Variants in MACROD2 observed in about 807,000 individuals in gnomAD.
The protein encoded by MACROD2 is mono-ADP ribosylhydrolase 2, also known as ADP-ribose glycohydrolase MACROD2.
In MACROD2, 36 loss-of-function variants were observed where a neutral mutation model predicts 70.4. That is an observed-to-expected ratio of 0.51 (90% CI 0.39 to 0.68). The LOEUF is 0.68. Ranked by LOEUF, MACROD2 falls within the 30% of genes least tolerant of loss-of-function variation. MACROD2 has a pLI of 0.00. For missense variants in MACROD2, 496 were observed against 538.4 expected (o/e 0.92, Z 0.78); for synonymous variants, 172 against 178.8 (o/e 0.96, Z 0.30).
chr20:14,577,787 G>T (rs538963009), intron 4 of MACROD2, among the ~76,000 whole-genome samples: 22 of 149,274 alleles, frequency 1.5e-4, no homozygotes, highest in Non-Finnish European at 2.9e-4. Flanking sequence ...TTCTTAAAAA[G>T]AAAAGGAAAG....
intron 5 of MACROD2, among the ~76,000 whole-genome samples, chr20:14,761,667 C>T (rs2072017597): frequency 6.6e-6 from 1 of 152,076 alleles, no homozygotes; most frequent in Non-Finnish European, 1.5e-5. Flanking sequence ...GGTTCCTCTC[C>T]TGGGGTGCTT....
At chr20:14,841,234 G>A (rs2073083710) in intron 5 of MACROD2, among the ~76,000 whole-genome samples, 1 of 152,052 alleles carries the variant, frequency 6.6e-6, no homozygotes, top group African/African-American at 2.4e-5. Context: ...AAATAATGAA[G>A]AAAAGAAATT....
At chr20:14,522,031 T>A (rs1435914621) in intron 4 of MACROD2, among the ~76,000 whole-genome samples, 2 of 152,128 alleles carry the variant, frequency 1.3e-5, no homozygotes, top group African/African-American at 4.8e-5. Flanking sequence ...AATGAAGCCT[T>A]CCCGTCGAAG....
intron 3 of MACROD2, among the ~76,000 whole-genome samples, chr20:14,275,476 T>C (rs1292585004): frequency 4.0e-5 from 6 of 151,344 alleles, no homozygotes; most frequent in African/African-American, 9.7e-5. Flanking sequence ...ATACAAAAAT[T>C]AATTCAAGAT....
At chr20:14,681,826 CAG>C (rs1489473954) in intron 4 of MACROD2, among the ~76,000 whole-genome samples, 2 of 152,104 alleles carry the variant, frequency 1.3e-5, no homozygotes, top group African/African-American at 4.8e-5. Context: ...ATTGAGAAGA[CAG>C]TGATTAATAA....
In MACROD2 at chr20:14,003,584, C is replaced by G. The variant is rs562918947; in HGVS notation, c.163+1180C>G. Reference sequence around the variant, plus strand: ...AAGATTGGCCTTAAGAAGCCCCTGCCTGATCACGTGAGCATCATGGAACCC... The same window carrying G: ...AAGATTGGCCTTAAGAAGCCCCTGCGTGATCACGTGAGCATCATGGAACCC... On this transcript the variant is annotated intron_variant, in intron 2 of 17. Transcript: ENST00000684519. 342 of 409,912 alleles carry G rather than the reference C, an allele frequency of 8.3e-4. 1 individual carries two copies. The highest frequency in any genetic ancestry group is 2.8e-3 in the South Asian group (123 of 43,648). The allele number at this position is 409,912 out of a possible 1,614,324, so 25.4% of individuals were successfully genotyped here.
At chr20:14,735,249 A>G (rs1029668387) in intron 5 of MACROD2, among the ~76,000 whole-genome samples, 1 of 152,150 alleles carries the variant, frequency 6.6e-6, no homozygotes, top group Non-Finnish European at 1.5e-5. Flanking sequence ...TGATGAGTCT[A>G]TCTAGAATAT....
intron 3 of MACROD2, among the ~76,000 whole-genome samples, chr20:14,414,892 A>G (rs775413040): frequency 3.3e-5 from 5 of 149,734 alleles, no homozygotes; most frequent in South Asian, 4.2e-4. Flanking sequence ...TCTGTTCCCA[A>G]CATACTTCTT....
intron 6 of MACROD2, among the ~76,000 whole-genome samples, chr20:15,295,824 A>G (rs2077582522): frequency 6.6e-6 from 1 of 152,188 alleles, no homozygotes; most frequent in Non-Finnish European, 1.5e-5. Flanking sequence ...GCCTTTCTTC[A>G]TGGTCCAGGA....
chr20:14,478,295 C>G (rs2084621175), intron 3 of MACROD2, among the ~76,000 whole-genome samples: 1 of 152,062 alleles, frequency 6.6e-6, no homozygotes, highest in Non-Finnish European at 1.5e-5. Flanking sequence ...ACTCATATCC[C>G]CAAGATATTG....
At chr20:16,005,416 G>A (rs1452482441) in intron 15 of MACROD2, among the ~76,000 whole-genome samples, 1 of 152,148 alleles carries the variant, frequency 6.6e-6, no homozygotes, top group South Asian at 2.1e-4. Context: ...AACACCTGGG[G>A]CATTGATCTG....
At chr20:15,128,373 A>G (rs919446949) in intron 5 of MACROD2, among the ~76,000 whole-genome samples, 20 of 152,212 alleles carry the variant, frequency 1.3e-4, no homozygotes, top group East Asian at 1.9e-4. Flanking sequence ...GTGTTAACCT[A>G]GAAAGACAGT....
intron 6 of MACROD2, among the ~76,000 whole-genome samples, chr20:15,302,021 A>C (rs2077649172): frequency 1.3e-5 from 2 of 152,174 alleles, no homozygotes; most frequent in African/African-American, 4.8e-5. Context: ...AGCCAAACTG[A>C]CAATCTGCTT....
intron 3 of MACROD2, among the ~76,000 whole-genome samples, chr20:14,238,114 T>G (rs533298974): frequency 1.3e-4 from 20 of 152,138 alleles, no homozygotes; most frequent in Admixed American, 1.2e-3. Context: ...CCTGAGGAAT[T>G]GCCACACTGA....
intron 8 of MACROD2, among the ~76,000 whole-genome samples, chr20:15,719,926 A>G (rs1210051073): frequency 6.6e-6 from 1 of 152,120 alleles, no homozygotes. Flanking sequence ...CTTTGTACCC[A>G]TTGACCATCC....
chr20:14,647,016 C>T (rs6033999), intron 4 of MACROD2, among the ~76,000 whole-genome samples: 28,628 of 151,934 alleles, frequency 0.19, 5,637 homozygotes, highest in African/African-American at 0.49. Flanking sequence ...GATGATCCGT[C>T]TGTTAATGTT....
chr20:15,418,257 G>A (rs971653667), intron 6 of MACROD2, among the ~76,000 whole-genome samples: 2 of 152,318 alleles, frequency 1.3e-5, no homozygotes, highest in Middle Eastern at 3.4e-3. Context: ...AGCTTTAACA[G>A]GGGAAGAGAC....
intron 5 of MACROD2, among the ~76,000 whole-genome samples, chr20:14,751,203 C>T (rs1403860322): frequency 7.9e-5 from 12 of 152,120 alleles, no homozygotes; most frequent in Admixed American, 7.9e-4. Context: ...GGCCTCCCAG[C>T]CCCACCCTTG....
At chr20:14,596,900 C>T (rs2123394019) in intron 4 of MACROD2, among the ~76,000 whole-genome samples, 1 of 152,286 alleles carries the variant, frequency 6.6e-6, no homozygotes, top group Admixed American at 6.5e-5. Flanking sequence ...AGCCTGTTAT[C>T]ATTTGAACAT....
Sources: allele counts gnomAD v4.1 joint callset (sites outside exome capture counted in the v4.1 genomes callset), GRCh38; gene constraint gnomAD v4.1.1; transcripts MANE v1.5; gene names NCBI Gene and HGNC (gene_info 2026-07-23, HGNC 2026-07-21).